The following ZNF804A variants were observed in gnomAD, a reference collection of about 807,000 sequenced individuals.
ZNF804A encodes the protein zinc finger protein 804A.
Under a neutral mutation model 16.5 loss-of-function variants are expected in ZNF804A, and 2 were observed. The ratio of observed to expected loss-of-function variants is 0.12; its 90% CI spans 0.05 to 0.38. ZNF804A has a LOEUF of 0.38. Ranked by LOEUF, ZNF804A falls within the 10% of genes least tolerant of loss-of-function variation. The probability of loss-of-function intolerance (pLI) is 0.99; values close to 1 mark genes in which losing one functional copy is unlikely to be tolerated. For synonymous variants in ZNF804A, 534 were observed against 489.6 expected (o/e 1.09, Z -1.20); for missense variants, 1,473 against 1,390.7 (o/e 1.06, Z -0.94).
intron 1 of ZNF804A, among the ~76,000 whole-genome samples, chr2:184,606,902 C>A (rs1306478818): frequency 2.6e-5 from 4 of 152,004 alleles, no homozygotes; most frequent in African/African-American, 9.7e-5. Flanking sequence ...TCTGGAGACC[C>A]TTAACTGATA....
Position 184,930,098 on chromosome 2 carries a change from C to A in ZNF804A, c.256-3505C>A, listed in dbSNP as rs189108748. Among the ~76,000 whole-genome samples the A allele has an allele frequency of 6.4e-3, 972 of 152,154 alleles. 7 individuals are homozygous for A. Among genetic ancestry groups the A allele is most frequent in the African/African-American group, 0.02 (823 of 41,526 alleles). ...TTTCTTTAATTAAAAAAAATCTCAGCCTTTTAACAGAGTGACTGCTGCTAG... is the reference window on the plus strand; with the variant it reads ...TTTCTTTAATTAAAAAAAATCTCAGACTTTTAACAGAGTGACTGCTGCTAG... On this transcript the variant is annotated intron_variant, in intron 2 of 3. Coordinates refer to ENST00000302277, the MANE Select transcript of ZNF804A (RefSeq NM_194250.2).
chr2:184,803,008 G>T (rs933295574), intron 1 of ZNF804A, among the ~76,000 whole-genome samples: 2 of 152,090 alleles, frequency 1.3e-5, no homozygotes, highest in Non-Finnish European at 2.9e-5. Flanking sequence ...GACTAGTAAG[G>T]TTATAGAAAG....
At chr2:184,610,852 T>C (rs403115) in intron 1 of ZNF804A, among the ~76,000 whole-genome samples, 86,254 of 152,046 alleles carry the variant, frequency 0.57, 25,476 homozygotes, top group African/African-American at 0.69. Flanking sequence ...CTCTCCCTGT[T>C]AGTTATGTTA....
intron 1 of ZNF804A, among the ~76,000 whole-genome samples, chr2:184,831,973 T>TA (rs1695267752): frequency 6.6e-6 from 1 of 152,018 alleles, no homozygotes; most frequent in African/African-American, 2.4e-5. Flanking sequence ...TTTTCTCTCT[T>TA]ACCATATATA....
intron 1 of ZNF804A, among the ~76,000 whole-genome samples, chr2:184,714,656 A>G (rs1475905630): frequency 3.3e-5 from 5 of 152,032 alleles, no homozygotes; most frequent in Non-Finnish European, 7.4e-5. Flanking sequence ...AAAAGAAATA[A>G]TAAGGTCCAC....
intron 1 of ZNF804A, among the ~76,000 whole-genome samples, chr2:184,729,270 T>G (rs1693473550): frequency 6.6e-6 from 1 of 151,874 alleles, no homozygotes; most frequent in Non-Finnish European, 1.5e-5. Context: ...ATATTAAAAA[T>G]CATGTTGTAT....
At chr2:184,772,255 T>TC (rs1694226803) in intron 1 of ZNF804A, among the ~76,000 whole-genome samples, 1 of 141,490 alleles carries the variant, frequency 7.1e-6, no homozygotes, top group Admixed American at 7.1e-5. Flanking sequence ...TTTTCATCAC[T>TC]CCCCTTGACC....
intron 1 of ZNF804A, among the ~76,000 whole-genome samples, chr2:184,675,184 A>G (rs755622727): frequency 9.2e-5 from 14 of 151,886 alleles, no homozygotes; most frequent in Non-Finnish European, 1.9e-4. Context: ...GTATTCACAC[A>G]AAGAGACGTA....
At chr2:184,863,585 G>A (rs1695831933) in intron 1 of ZNF804A, among the ~76,000 whole-genome samples, 1 of 151,166 alleles carries the variant, frequency 6.6e-6, no homozygotes. Context: ...AACATAATAA[G>A]AGCTAATCAA....
At chr2:184,838,754 C>T (rs1169729779) in intron 1 of ZNF804A, among the ~76,000 whole-genome samples, 1 of 151,662 alleles carries the variant, frequency 6.6e-6, no homozygotes, top group Non-Finnish European at 1.5e-5. Flanking sequence ...AGAAAAGGGA[C>T]AATTTTATAT....
chr2:184,882,935 CA>C (rs1019330156), intron 2 of ZNF804A, among the ~76,000 whole-genome samples: 7 of 151,910 alleles, frequency 4.6e-5, no homozygotes, highest in Non-Finnish European at 8.8e-5. Context: ...TAACTGAAAT[CA>C]GAGCTGGATT....
At chr2:184,826,641 C>A (rs1374275714) in intron 1 of ZNF804A, among the ~76,000 whole-genome samples, 1 of 151,958 alleles carries the variant, frequency 6.6e-6, no homozygotes, top group Non-Finnish European at 1.5e-5. Context: ...TTTAGAATTT[C>A]TTACTAGGTC....
At chr2:184,876,352 C>T (rs77689531) in intron 2 of ZNF804A, among the ~76,000 whole-genome samples, 3,765 of 151,776 alleles carry the variant, frequency 0.025, 78 homozygotes, top group South Asian at 0.093. Context: ...CAAGGTAATG[C>T]GCAATACAAT....
intron 1 of ZNF804A, among the ~76,000 whole-genome samples, chr2:184,773,726 A>G (rs1694250358): frequency 6.6e-6 from 1 of 151,924 alleles, no homozygotes; most frequent in Non-Finnish European, 1.5e-5. Flanking sequence ...TGGATGCACC[A>G]AAATCTCAGA....
At chr2:184,623,498 T>A (rs1691449146) in intron 1 of ZNF804A, among the ~76,000 whole-genome samples, 1 of 152,170 alleles carries the variant, frequency 6.6e-6, no homozygotes, top group African/African-American at 2.4e-5. Flanking sequence ...GTCACATTTT[T>A]CATATATTTT....
chr2:184,637,312 G>A (rs1018793323), intron 1 of ZNF804A, among the ~76,000 whole-genome samples: 1 of 151,968 alleles, frequency 6.6e-6, no homozygotes, highest in Non-Finnish European at 1.5e-5. Context: ...TTTTTAGGCA[G>A]CAGGAAACTG....
At chr2:184,821,898 A>G (rs1387166310) in intron 1 of ZNF804A, among the ~76,000 whole-genome samples, 1 of 152,214 alleles carries the variant, frequency 6.6e-6, no homozygotes, top group African/African-American at 2.4e-5. Flanking sequence ...TGAATATTAA[A>G]AAGTTCAGAA....
At chr2:184,676,166 G>T (rs1692425620) in intron 1 of ZNF804A, among the ~76,000 whole-genome samples, 1 of 151,608 alleles carries the variant, frequency 6.6e-6, no homozygotes, top group Admixed American at 6.6e-5. Context: ...TATCCCCTGA[G>T]ATTGAGTGGG....
chr2:184,656,721 T>A (rs1281803958), intron 1 of ZNF804A, among the ~76,000 whole-genome samples: 1 of 151,618 alleles, frequency 6.6e-6, no homozygotes, highest in Non-Finnish European at 1.5e-5. Flanking sequence ...TACACATATA[T>A]ATACACATAT....
Sources: allele counts gnomAD v4.1 joint callset (sites outside exome capture counted in the v4.1 genomes callset), GRCh38; gene constraint gnomAD v4.1.1; transcripts MANE v1.5; gene names NCBI Gene and HGNC (gene_info 2026-07-23, HGNC 2026-07-21).